Variants in DPP10 observed in about 807,000 individuals in gnomAD.
DPP10 encodes inactive dipeptidyl peptidase 10.
A neutral mutation model predicts 120.9 loss-of-function variants in DPP10; 33 were observed. The observed-to-expected ratio is 0.27, with a 90% CI of 0.21 to 0.37. The LOEUF (loss-of-function observed/expected upper bound fraction) is 0.37. DPP10 is among the 10% of genes least tolerant of loss of function. The probability of loss-of-function intolerance (pLI) is 1.00; values close to 1 mark genes in which losing one functional copy is unlikely to be tolerated. For missense variants in DPP10, 816 were observed against 942.8 expected (o/e 0.87, Z 1.76); for synonymous variants, 337 against 326.1 (o/e 1.03, Z -0.36).
chr2:115,653,470 G>T (rs930758278), intron 5 of DPP10, among the ~76,000 whole-genome samples: 1 of 151,806 alleles, frequency 6.6e-6, no homozygotes, highest in African/African-American at 2.4e-5. Flanking sequence ...GATAATCTCC[G>T]CTGTCTAAAT....
chr2:115,529,886 T>C (rs1205122319), intron 5 of DPP10, among the ~76,000 whole-genome samples: 1 of 152,198 alleles, frequency 6.6e-6, no homozygotes, highest in African/African-American at 2.4e-5. Context: ...TTTTTCATCT[T>C]ATTTTTAAAT....
chr2:114,785,868 T>A (rs564866806), intron 1 of DPP10, among the ~76,000 whole-genome samples: 1 of 152,274 alleles, frequency 6.6e-6, no homozygotes, highest in South Asian at 2.1e-4. Context: ...AATAAACAAC[T>A]AAGAGGAGTA....
intron 1 of DPP10, among the ~76,000 whole-genome samples, chr2:114,567,563 C>G (rs1689298794): frequency 6.6e-6 from 1 of 152,164 alleles, no homozygotes; most frequent in Non-Finnish European, 1.5e-5. Flanking sequence ...GAAACAGATT[C>G]TTTCCTAGAG....
chr2:115,031,890 A>G (rs1703865943), intron 1 of DPP10, among the ~76,000 whole-genome samples: 1 of 152,174 alleles, frequency 6.6e-6, no homozygotes, highest in South Asian at 2.1e-4. Flanking sequence ...TGAAACACAG[A>G]CCACTCATCC....
In DPP10 at chr2:115,334,236, T is replaced by TTTTTTTTTTTTTTTTTTTTTTTTTTTA. The variant is rs2062977967; in HGVS notation, c.176-9571_176-9570insTTTTTTTTTTTTTTTTATTTTTTTTTT. 2.2e-5 allele frequency among the ~76,000 whole-genome samples: 3 copies of TTTTTTTTTTTTTTTTTTTTTTTTTTTA among 136,770 alleles called. 1 individual carries two copies. 89.7% of individuals were successfully genotyped at this position (136,770 alleles called of 152,430 possible). On this transcript the variant is annotated intron_variant, in intron 2 of 25. Coordinates refer to ENST00000410059, the MANE Select transcript of DPP10 (RefSeq NM_020868.6). ...ATGGACCAGAGCAGACTCTGTTTTTTTTTTTTTTTTAAGAAACCTAGCTAT... is the reference window on the plus strand; with the variant it reads ...ATGGACCAGAGCAGACTCTGTTTTTTTTTTTTTTTTTTTTTTTTTTTTTTTTATTTTTTTTTTAAGAAACCTAGCTAT...
rs538428177 is a variant in DPP10 at position 115,842,420 on chromosome 2, G to T, written c.*75G>T. 1.0e-4 allele frequency: 151 copies of T among 1,515,402 alleles called. 2 individuals carry two copies. The Middle Eastern group carries it at 9.4e-3, about 94-fold the overall frequency. 93.9% of individuals were successfully genotyped at this position (1,515,402 alleles called of 1,614,324 possible). On this transcript the variant is annotated 3_prime_UTR_variant, in exon 26 of 26. Coordinates refer to ENST00000410059, the MANE Select transcript of DPP10 (RefSeq NM_020868.6). ...CTGACAAAGAGACTGTAATATTGTA[G>T]TTGCTCCAGAATGTCAAGGGCAGCT... is the stretch of plus-strand genomic sequence containing the variant.
At chr2:115,554,974 A>T (rs567781340) in intron 5 of DPP10, among the ~76,000 whole-genome samples, 33 of 152,174 alleles carry the variant, frequency 2.2e-4, no homozygotes, top group Middle Eastern at 3.4e-3. Flanking sequence ...GGCAGCTCTA[A>T]ATCTTAAGCT....
chr2:115,430,597 A>G (rs568745692), intron 3 of DPP10, among the ~76,000 whole-genome samples: 37 of 152,298 alleles, frequency 2.4e-4, no homozygotes, highest in African/African-American at 8.4e-4. Context: ...AAACAATTTA[A>G]TATATTTCAG....
At chr2:114,915,703 T>A (rs1466338628) in intron 1 of DPP10, among the ~76,000 whole-genome samples, 1 of 152,110 alleles carries the variant, frequency 6.6e-6, no homozygotes, top group African/African-American at 2.4e-5. Context: ...CAAAACCATA[T>A]AATTACATGG....
intron 1 of DPP10, among the ~76,000 whole-genome samples, chr2:115,157,658 G>A (rs770582917): frequency 3.9e-5 from 6 of 152,154 alleles, no homozygotes; most frequent in South Asian, 2.1e-4. Context: ...TGTGCATTTT[G>A]GGGAATTCAA....
At chr2:114,687,797 T>C (rs1161554290) in intron 1 of DPP10, among the ~76,000 whole-genome samples, 1 of 151,962 alleles carries the variant, frequency 6.6e-6, no homozygotes, top group Admixed American at 6.6e-5. Context: ...CTCTGGTCGT[T>C]TTCACGGCAT....
At chr2:115,826,596 C>T (rs1320466545) in intron 21 of DPP10, among the ~76,000 whole-genome samples, 1 of 152,104 alleles carries the variant, frequency 6.6e-6, no homozygotes, top group Non-Finnish European at 1.5e-5. Flanking sequence ...TGGTAAGCAC[C>T]TGTAATCCCA....
At chr2:114,558,510 T>G (rs1688502853) in intron 1 of DPP10, among the ~76,000 whole-genome samples, 1 of 152,236 alleles carries the variant, frequency 6.6e-6, no homozygotes, top group South Asian at 2.1e-4. Context: ...AACAATCAAT[T>G]TAAAGTAATC....
chr2:114,834,327 A>G (rs1413847605), intron 1 of DPP10, among the ~76,000 whole-genome samples: 6 of 143,002 alleles, frequency 4.2e-5, no homozygotes, highest in African/African-American at 1.8e-4. Flanking sequence ...CCATGTCTAC[A>G]CACCTATGTA....
chr2:115,373,897 GA>G (rs2065597185), intron 3 of DPP10, among the ~76,000 whole-genome samples: 1 of 151,452 alleles, frequency 6.6e-6, no homozygotes, highest in Non-Finnish European at 1.5e-5. Flanking sequence ...GAGAGAGAGA[GA>G]GAGAGAGTGA....
chr2:114,855,776 C>T (rs1178460947), intron 1 of DPP10, among the ~76,000 whole-genome samples: 1 of 152,088 alleles, frequency 6.6e-6, no homozygotes, highest in East Asian at 1.9e-4. Flanking sequence ...CAATGTAGGG[C>T]TTTGCGGGGG....
At chr2:114,640,949 T>C (rs541262154) in intron 1 of DPP10, among the ~76,000 whole-genome samples, 3 of 151,992 alleles carry the variant, frequency 2.0e-5, no homozygotes, top group Non-Finnish European at 4.4e-5. Context: ...AGAATCTGTT[T>C]AGCACTTTCT....
At chr2:115,714,907 G>A (rs1007111914) in intron 7 of DPP10, among the ~76,000 whole-genome samples, 7 of 151,746 alleles carry the variant, frequency 4.6e-5, no homozygotes, top group East Asian at 1.9e-4. Flanking sequence ...ACAGGCGCCC[G>A]TAGTCCCAGC....
chr2:115,485,753 ATTC>A (rs1401329574), intron 3 of DPP10, among the ~76,000 whole-genome samples: 1 of 152,128 alleles, frequency 6.6e-6, no homozygotes, highest in African/African-American at 2.4e-5. Context: ...AGACAACAAA[ATTC>A]TTCAATACTA....
Sources: allele counts gnomAD v4.1 joint callset (sites outside exome capture counted in the v4.1 genomes callset), GRCh38; gene constraint gnomAD v4.1.1; transcripts MANE v1.5; gene names NCBI Gene and HGNC (gene_info 2026-07-23, HGNC 2026-07-21).